Variants in ERC1 observed in about 807,000 individuals in gnomAD.
ERC1 encodes RAB6 interacting protein 2.
Under a neutral mutation model 132.0 loss-of-function variants are expected in ERC1, and 56 were observed. The ratio of observed to expected loss-of-function variants is 0.42; its 90% confidence interval spans 0.34 to 0.53. The LOEUF is 0.53. ERC1 is among the 20% of genes least tolerant of loss of function. ERC1 has a pLI of 0.03. For missense variants in ERC1, 1,202 were observed against 1,349.9 expected (o/e 0.89, Z 1.72); for synonymous variants, 478 against 476.1 (o/e 1.00, Z -0.05).
chr12:1,384,436 A>C (rs1445666079), intron 16 of ERC1, among the ~76,000 whole-genome samples: 1 of 152,242 alleles, frequency 6.6e-6, no homozygotes, highest in African/African-American at 2.4e-5. Context: ...TAATTTTGTT[A>C]TTAAAATACT....
chr12:1,027,977 C>T lies in ERC1; in HGVS notation c.74C>T (p.Pro25Leu). 6.2e-7 allele frequency: 1 copy of T among 1,614,160 alleles called. No individual in the cohort carries two copies. Among genetic ancestry groups the T allele is most frequent in the Non-Finnish European group, 8.5e-7 (1 of 1,180,028 alleles). ...SQSPGRSPRL[P>L]RSPRLGHRRT... ...AGCCCTGGGCGTTCACCCAGGCTTC[C>T]ACGTTCCCCTCGCTTGGGTCACCGT... Residue 25 changes from proline to leucine, a missense_variant, in exon 2 of 19, where the codon CCA (proline) becomes CTA (leucine). By Grantham distance (98) the Pro-to-Leu change is moderately conservative (BLOSUM62 -3). Coordinates refer to ENST00000360905, the MANE Select transcript of ERC1 (RefSeq NM_178040.4).
chr12:1,040,414 C>G (rs550945887), intron 2 of ERC1, among the ~76,000 whole-genome samples: 1 of 148,984 alleles, frequency 6.7e-6, no homozygotes, highest in African/African-American at 2.5e-5. Context: ...TCATGTCATT[C>G]TCCTGCCTCA....
chr12:1,259,161 T>C (rs1001592614), intron 13 of ERC1, among the ~76,000 whole-genome samples: 15 of 152,200 alleles, frequency 9.9e-5, no homozygotes, highest in Admixed American at 1.3e-4. Context: ...TAGTCACTTC[T>C]CTTATTCTTT....
intron 12 of ERC1, among the ~76,000 whole-genome samples, chr12:1,207,780 CAGCTG>C (rs1324636938): frequency 6.6e-6 from 1 of 152,100 alleles, no homozygotes; most frequent in Non-Finnish European, 1.5e-5. Context: ...TTCTGTAAAT[CAGCTG>C]AAGATGGCAA....
intron 10 of ERC1, among the ~76,000 whole-genome samples, 199 bp from the exon 11 acceptor site, chr12:1,183,082 T>A (rs1357372800): frequency 2.0e-5 from 3 of 152,236 alleles, no homozygotes. Context: ...TGGGTATTTC[T>A]TGAGAATCCA....
chr12:1,352,636 T>C (rs1018951765), intron 15 of ERC1, among the ~76,000 whole-genome samples: 2 of 150,810 alleles, frequency 1.3e-5, no homozygotes, highest in Non-Finnish European at 2.9e-5. Flanking sequence ...AATAATTTCT[T>C]GTCCTCATTG....
chr12:1,110,428 A>G (rs1270697164), intron 5 of ERC1, 81 bp downstream of exon 5: 23 of 1,192,322 alleles, frequency 1.9e-5, no homozygotes, highest in Non-Finnish European at 1.6e-5. Flanking sequence ...GTGATGATAA[A>G]GCCGTATTTT....
At chr12:1,214,342 T>C (rs1958167977) in intron 12 of ERC1, among the ~76,000 whole-genome samples, 1 of 152,218 alleles carries the variant, frequency 6.6e-6, no homozygotes, top group South Asian at 2.1e-4. Context: ...TCATTTTTAG[T>C]GTGGAGTTAA....
chr12:1,362,642 A>C (rs2086246747), intron 15 of ERC1, among the ~76,000 whole-genome samples: 1 of 152,220 alleles, frequency 6.6e-6, no homozygotes, highest in Non-Finnish European at 1.5e-5. Context: ...GATCCTACTT[A>C]TATGAGGTAC....
intron 12 of ERC1, among the ~76,000 whole-genome samples, chr12:1,204,273 A>C (rs1306696146): frequency 6.6e-6 from 1 of 151,116 alleles, no homozygotes; most frequent in Non-Finnish European, 1.5e-5. Flanking sequence ...TTTTTTTGAG[A>C]AACTTTCATT....
intron 13 of ERC1, among the ~76,000 whole-genome samples, chr12:1,256,575 G>T (rs2154319106): frequency 6.6e-6 from 1 of 150,766 alleles, no homozygotes; most frequent in Admixed American, 6.6e-5. Flanking sequence ...CTATCACTGA[G>T]TATTCTTGGT....
At chr12:1,062,812 A>G (rs970220036) in intron 2 of ERC1, among the ~76,000 whole-genome samples, 1 of 152,186 alleles carries the variant, frequency 6.6e-6, no homozygotes, top group Non-Finnish European at 1.5e-5. Context: ...GGGGTGGTGA[A>G]GTCCGCAATT....
chr12:1,181,958 G>T lies in ERC1; in HGVS notation c.1909G>T (p.Asp637Tyr), dbSNP rs1566169098. 6 of 1,614,030 alleles carry T rather than the reference G, an allele frequency of 3.7e-6. No homozygotes were observed. Among genetic ancestry groups the T allele is most frequent in the Non-Finnish European group, 4.2e-6 (5 of 1,179,958 alleles). The part of the protein sequence containing the change: ...RTIERLKEQR[D>Y]RDEREKQEEI... ...AATTGAACGCTTAAAGGAGCAGAGGGACAGAGATGAGCGAGAGAAGCAAGA... is the reference window on the plus strand; with the variant it reads ...AATTGAACGCTTAAAGGAGCAGAGGTACAGAGATGAGCGAGAGAAGCAAGA... The change falls in exon 10 of 19, where the codon GAC becomes TAC. Residue 637 changes from aspartate to tyrosine, a missense_variant. Transcript: ENST00000360905.
At chr12:1,206,659 T>C (rs1265999224) in intron 12 of ERC1, among the ~76,000 whole-genome samples, 4 of 152,098 alleles carry the variant, frequency 2.6e-5, no homozygotes, top group Non-Finnish European at 4.4e-5. Flanking sequence ...AATTATTCCA[T>C]GTATAGATGA....
intron 18 of ERC1, among the ~76,000 whole-genome samples, chr12:1,486,840 A>G (rs2094226818): frequency 6.6e-6 from 1 of 152,266 alleles, no homozygotes; most frequent in Admixed American, 6.5e-5. Context: ...TTAACATAAC[A>G]GAAGCCCAAT....
At chr12:1,396,833 G>A (rs563733630) in intron 16 of ERC1, among the ~76,000 whole-genome samples, 8 of 152,282 alleles carry the variant, frequency 5.3e-5, no homozygotes, top group South Asian at 2.1e-4. Context: ...AGTTGGAACC[G>A]AACCTCTGCT....
chr12:1,397,573 T>C lies in ERC1; in HGVS notation c.2926-10576T>C, dbSNP rs150181546. ...GATGCAGAATAATGTATTTAACATATTACTTTTTATGTAAGAAAAGGGGGA... is the reference window on the plus strand; with the variant it reads ...GATGCAGAATAATGTATTTAACATACTACTTTTTATGTAAGAAAAGGGGGA... On this transcript the variant is annotated intron_variant, in intron 16 of 18. Transcript: ENST00000360905. Among the ~76,000 whole-genome samples the C allele has an allele frequency of 4.7e-3, 711 of 152,306 alleles. 8 individuals are homozygous for C. Among genetic ancestry groups the C allele is most frequent in the African/African-American group, 0.016 (670 of 41,568 alleles).
intron 14 of ERC1, among the ~76,000 whole-genome samples, chr12:1,267,409 A>G (rs1415279280): frequency 2.6e-5 from 4 of 152,360 alleles, no homozygotes; most frequent in African/African-American, 4.8e-5. Flanking sequence ...TAGTTCAGCT[A>G]TGATGTTATG....
intron 18 of ERC1, among the ~76,000 whole-genome samples, chr12:1,472,354 AT>A (rs2093879753): frequency 6.6e-6 from 1 of 152,180 alleles, no homozygotes; most frequent in South Asian, 2.1e-4. Context: ...ATGACCTAAC[AT>A]TAAAAAATCT....
Sources: gnomAD v4.1 joint callset for allele counts (sites outside exome capture counted in the v4.1 genomes callset) on GRCh38, gnomAD v4.1.1 for gene constraint, MANE v1.5 for transcripts, NCBI Gene and HGNC (gene_info 2026-07-23, HGNC 2026-07-21) for gene names.